Variants in ROBO2 observed in about 807,000 individuals in gnomAD.
ROBO2 encodes roundabout homolog 2.
Under a neutral mutation model 160.8 loss-of-function variants are expected in ROBO2, and 53 were observed. That is an observed-to-expected ratio of 0.33 (90% CI 0.26 to 0.41). The LOEUF (loss-of-function observed/expected upper bound fraction) is 0.41. Among genes scored for constraint, ROBO2 ranks in the 10% least tolerant of loss-of-function variants. The pLI is 1.00. For synonymous variants in ROBO2, 664 were observed against 611.7 expected (o/e 1.09, Z -1.26); for missense variants, 1,577 against 1,722.4 (o/e 0.92, Z 1.49).
At chr3:76,075,344 T>A (rs2068611509) in intron 2 of ROBO2, among the ~76,000 whole-genome samples, 1 of 151,974 alleles carries the variant, frequency 6.6e-6, no homozygotes, top group Non-Finnish European at 1.5e-5. Context: ...TGTGACAGAA[T>A]GCAGAGTAGA....
At chr3:76,370,331 G>C (rs558285167) in intron 2 of ROBO2, among the ~76,000 whole-genome samples, 3 of 151,872 alleles carry the variant, frequency 2.0e-5, no homozygotes, top group Non-Finnish European at 2.9e-5. Flanking sequence ...ATGGGAATTG[G>C]TGTGATTTCT....
chr3:77,081,720 A>G (rs576865186), intron 1 of ROBO2, among the ~76,000 whole-genome samples: 2 of 152,306 alleles, frequency 1.3e-5, no homozygotes, highest in East Asian at 1.9e-4. Flanking sequence ...TCTATGAGCA[A>G]TGAGCTCTTC....
At chr3:76,456,870 C>T (rs1301053105) in intron 2 of ROBO2, among the ~76,000 whole-genome samples, 1 of 152,096 alleles carries the variant, frequency 6.6e-6, no homozygotes, top group Admixed American at 6.6e-5. Context: ...GAGAAAGAAG[C>T]AAAGGCAGAA....
intron 2 of ROBO2, among the ~76,000 whole-genome samples, chr3:76,459,752 A>T (rs897956133): frequency 3.9e-5 from 6 of 152,210 alleles, no homozygotes; most frequent in African/African-American, 1.4e-4. Context: ...GTTAATAAAT[A>T]AAAGATAACT....
intron 2 of ROBO2, among the ~76,000 whole-genome samples, chr3:76,682,439 T>A (rs1031351105): frequency 1.3e-5 from 2 of 151,810 alleles, no homozygotes; most frequent in Non-Finnish European, 2.9e-5. Context: ...GACGGAGTCT[T>A]GCTCTGTTGA....
At chr3:76,535,342 A>G (rs2108125659) in intron 2 of ROBO2, among the ~76,000 whole-genome samples, 1 of 152,172 alleles carries the variant, frequency 6.6e-6, no homozygotes, top group Non-Finnish European at 1.5e-5. Context: ...CCATGCTGTA[A>G]CAGGCGAATG....
intron 2 of ROBO2, among the ~76,000 whole-genome samples, chr3:76,359,341 A>G (rs1318104517): frequency 2.0e-5 from 3 of 152,060 alleles, no homozygotes; most frequent in African/African-American, 7.2e-5. Context: ...ATAAAGAATG[A>G]GTTTTATTTG....
chr3:76,861,952 C>A (rs2070826113), intron 2 of ROBO2, among the ~76,000 whole-genome samples: 1 of 152,084 alleles, frequency 6.6e-6, no homozygotes, highest in African/African-American at 2.4e-5. Context: ...TATATATTCT[C>A]AGAGGCTCTT....
intron 2 of ROBO2, among the ~76,000 whole-genome samples, chr3:76,653,663 A>G (rs2091355782): frequency 6.6e-6 from 1 of 152,162 alleles, no homozygotes; most frequent in African/African-American, 2.4e-5. Flanking sequence ...TCACACAGAT[A>G]TGCTAATAAC....
chr3:77,155,434 G>T (rs1275947778), intron 2 of ROBO2, among the ~76,000 whole-genome samples: 1 of 151,964 alleles, frequency 6.6e-6, no homozygotes, highest in Non-Finnish European at 1.5e-5. Context: ...TTCAAAGATA[G>T]AAGAAAGTGC....
intron 2 of ROBO2, among the ~76,000 whole-genome samples, chr3:76,932,697 T>C (rs2077426306): frequency 6.6e-6 from 1 of 152,198 alleles, no homozygotes; most frequent in East Asian, 1.9e-4. Context: ...CAAAAATCTC[T>C]AAATTTTAAA....
chr3:76,513,096 T>G (rs935550787), intron 2 of ROBO2, among the ~76,000 whole-genome samples: 1 of 152,118 alleles, frequency 6.6e-6, no homozygotes, highest in Non-Finnish European at 1.5e-5. Context: ...CCTTAGAAAG[T>G]TGATCAAGGA....
intron 2 of ROBO2, among the ~76,000 whole-genome samples, chr3:77,027,049 A>C (rs1451257684): frequency 6.6e-6 from 1 of 152,222 alleles, no homozygotes; most frequent in East Asian, 1.9e-4. Context: ...ATTCAGATAA[A>C]AAACTAAATT....
chr3:77,548,451 G>C (rs1402122557), intron 7 of ROBO2, among the ~76,000 whole-genome samples: 1 of 151,918 alleles, frequency 6.6e-6, no homozygotes, highest in African/African-American at 2.4e-5. Context: ...TCATTATAAT[G>C]TGACTTGTTA....
At chr3:77,503,573 A>G (rs1035989924) in intron 5 of ROBO2, among the ~76,000 whole-genome samples, 2 of 150,934 alleles carry the variant, frequency 1.3e-5, no homozygotes, top group Non-Finnish European at 3.0e-5. Flanking sequence ...AATAATAATA[A>G]GGCTATTTGG....
chr3:76,503,465 G>C (rs2080595246), intron 2 of ROBO2, among the ~76,000 whole-genome samples: 1 of 151,990 alleles, frequency 6.6e-6, no homozygotes, highest in African/African-American at 2.4e-5. Flanking sequence ...ATATTCAAAG[G>C]AAAAAGTATC....
intron 2 of ROBO2, among the ~76,000 whole-genome samples, chr3:76,037,508 GA>G (rs1458538600): frequency 6.6e-6 from 1 of 151,742 alleles, no homozygotes; most frequent in Non-Finnish European, 1.5e-5. Context: ...GCCCTCCTCG[GA>G]CTCCCAAAGT....
chr3:77,078,300 A>T (rs2068229614), intron 1 of ROBO2, among the ~76,000 whole-genome samples: 1 of 152,226 alleles, frequency 6.6e-6, no homozygotes, highest in East Asian at 1.9e-4. Context: ...TATATGTTTT[A>T]GTTGACACAT....
At chr3:77,073,081 G>A (rs759552217) in intron 1 of ROBO2, among the ~76,000 whole-genome samples, 6 of 152,126 alleles carry the variant, frequency 3.9e-5, no homozygotes, top group Non-Finnish European at 7.4e-5. Context: ...GGTATTGAGG[G>A]AAAGGCTTAA....
Sources: allele counts gnomAD v4.1 joint callset (sites outside exome capture counted in the v4.1 genomes callset), GRCh38; gene constraint gnomAD v4.1.1; transcripts MANE v1.5; gene names NCBI Gene and HGNC (gene_info 2026-07-23, HGNC 2026-07-21).